Variants in FHIT observed in about 807,000 individuals in gnomAD.
The protein encoded by FHIT is fragile histidine triad diadenosine triphosphatase.
A neutral mutation model predicts 17.9 loss-of-function variants in FHIT; 19 were observed. The observed-to-expected ratio is 1.06, with a 90% confidence interval of 0.74 to 1.56. The LOEUF (loss-of-function observed/expected upper bound fraction) is 1.56. FHIT is among the 40% of genes most tolerant of loss of function. The pLI is 0.00. For synonymous variants in FHIT, 81 were observed against 69.7 expected (o/e 1.16, Z -0.81); for missense variants, 248 against 189.2 (o/e 1.31, Z -1.82).
chr3:60,773,316 G>A (rs1553723638), intron 4 of FHIT, among the ~76,000 whole-genome samples: 1 of 152,174 alleles, frequency 6.6e-6, no homozygotes, highest in African/African-American at 2.4e-5. Context: ...ATTTATTAGT[G>A]TACCCTGTAG....
rs148950731 is a variant in FHIT at position 60,256,612 on chromosome 3, G to T, written c.104-242460C>A. Among the ~76,000 whole-genome samples the T allele has an allele frequency of 8.5e-5, 13 of 152,284 alleles. No individual in the cohort carries two copies. In the East Asian group the frequency reaches 2.5e-3, roughly 29 times the overall value. ...AGGCAGAAGCCAAATCCAAATACCAGTCAAGCACTAGCCACCAGGCTCTCC... is the reference window on the plus strand; with the variant it reads ...AGGCAGAAGCCAAATCCAAATACCATTCAAGCACTAGCCACCAGGCTCTCC... On this transcript the variant is annotated intron_variant, in intron 5 of 9. Coordinates refer to ENST00000492590, the MANE Select transcript of FHIT (RefSeq NM_002012.4).
At chr3:61,236,552 G>C (rs1357534530) in intron 1 of FHIT, among the ~76,000 whole-genome samples, 3 of 152,128 alleles carry the variant, frequency 2.0e-5, no homozygotes, top group African/African-American at 7.2e-5. Context: ...CTCTACCCAG[G>C]TCACAGAATG....
At chr3:59,975,947 T>C (rs1708391153) in intron 7 of FHIT, among the ~76,000 whole-genome samples, 1 of 152,090 alleles carries the variant, frequency 6.6e-6, no homozygotes, top group Non-Finnish European at 1.5e-5. Context: ...TCCTCCCCTG[T>C]ACTAGAATGC....
At chr3:61,031,690 A>T (rs957109654) in intron 3 of FHIT, among the ~76,000 whole-genome samples, 2 of 152,200 alleles carry the variant, frequency 1.3e-5, no homozygotes, top group Non-Finnish European at 2.9e-5. Context: ...TAATCCAGCT[A>T]CTGTTCTATG....
At chr3:61,193,534 A>G (rs1576186629) in intron 2 of FHIT, among the ~76,000 whole-genome samples, 1 of 152,154 alleles carries the variant, frequency 6.6e-6, no homozygotes, top group African/African-American at 2.4e-5. Context: ...GACCTGCAGC[A>G]TTTTTGCATC....
intron 8 of FHIT, among the ~76,000 whole-genome samples, chr3:59,853,691 CAT>C (rs765521529): frequency 1.3e-5 from 2 of 152,008 alleles, no homozygotes; most frequent in Non-Finnish European, 1.5e-5. Flanking sequence ...TGTGGGTGTG[CAT>C]GTGTGTGTGT....
At chr3:60,248,478 G>T (rs1340845613) in intron 5 of FHIT, among the ~76,000 whole-genome samples, 1 of 152,086 alleles carries the variant, frequency 6.6e-6, no homozygotes, top group Non-Finnish European at 1.5e-5. Flanking sequence ...GCTTTATTCA[G>T]AAAGAGAACA....
intron 4 of FHIT, among the ~76,000 whole-genome samples, chr3:60,796,581 G>A (rs1052235827): frequency 5.9e-5 from 9 of 152,026 alleles, no homozygotes; most frequent in Non-Finnish European, 7.4e-5. Flanking sequence ...AAAGAGGGTT[G>A]TTGTTTGTTT....
intron 2 of FHIT, among the ~76,000 whole-genome samples, chr3:61,121,645 T>C (rs1456893185): frequency 1.3e-5 from 2 of 152,088 alleles, no homozygotes; most frequent in African/African-American, 2.4e-5. Context: ...ACATACCAAA[T>C]TGTAAAGACC....
At chr3:60,414,518 G>A (rs900390363) in intron 5 of FHIT, among the ~76,000 whole-genome samples, 3 of 152,162 alleles carry the variant, frequency 2.0e-5, no homozygotes, top group African/African-American at 7.2e-5. Context: ...TTTGCCAAAG[G>A]AAGGACCTCT....
chr3:59,909,708 T>C (rs1339699774), intron 8 of FHIT, among the ~76,000 whole-genome samples: 3 of 152,236 alleles, frequency 2.0e-5, no homozygotes, highest in Admixed American at 2.0e-4. Context: ...CATGAGGTTT[T>C]GATCAAAACT....
chr3:60,413,650 C>CTG (rs3060234), intron 5 of FHIT, among the ~76,000 whole-genome samples: 18 of 150,496 alleles, frequency 1.2e-4, no homozygotes, highest in Middle Eastern at 3.4e-3. Context: ...GCAGGGAACT[C>CTG]TGTGTGTGTG....
chr3:61,171,864 T>G lies in FHIT; in HGVS notation c.-164+28753A>C, dbSNP rs116463771. ...AGAAAATTCTTATGTACATGAAAGT[T>G]TGAAAACCATGGATCCAGAAGTGTG... On this transcript the variant is annotated intron_variant, in intron 2 of 9. Coordinates refer to ENST00000492590, the MANE Select transcript of FHIT (RefSeq NM_002012.4). Among the ~76,000 whole-genome samples the G allele has an allele frequency of 6.3e-3, 967 of 152,344 alleles. 8 individuals carry two copies. The highest frequency in any genetic ancestry group is 0.01 in the Non-Finnish European group (697 of 68,036).
intron 3 of FHIT, among the ~76,000 whole-genome samples, chr3:60,920,442 T>G (rs1317958122): frequency 1.3e-5 from 2 of 152,000 alleles, no homozygotes; most frequent in Non-Finnish European, 2.9e-5. Context: ...AGAAGGAAAA[T>G]AGTCTAGATC....
At chr3:61,173,166 G>A (rs768519853) in intron 2 of FHIT, among the ~76,000 whole-genome samples, 1 of 152,032 alleles carries the variant, frequency 6.6e-6, no homozygotes, top group Non-Finnish European at 1.5e-5. Context: ...TAAAATACAT[G>A]TGCAGCTAGA....
rs149281991 is a variant in FHIT at position 60,596,344 on chromosome 3, G to C, written c.-17-59365C>G. Among the ~76,000 whole-genome samples the C allele has an allele frequency of 3.9e-3, 590 of 152,168 alleles. 4 individuals carry two copies. Among genetic ancestry groups the C allele is most frequent in the Admixed American group, 5.9e-3 (90 of 15,254 alleles). ...GCTGCAGGCTCTCCTGAACCACCTT[G>C]AAGTTCTCCAACCTTGGCCTTGCCG... is the stretch of plus-strand genomic sequence containing the variant. On this transcript the variant is annotated intron_variant, in intron 4 of 9. Coordinates refer to ENST00000492590, the MANE Select transcript of FHIT (RefSeq NM_002012.4).
chr3:60,766,516 G>A (rs1203112127), intron 4 of FHIT, among the ~76,000 whole-genome samples: 1 of 152,176 alleles, frequency 6.6e-6, no homozygotes, highest in Non-Finnish European at 1.5e-5. Context: ...CTGTATAGAA[G>A]CTAGGAAAAT....
chr3:60,293,585 G>C (rs1708081008), intron 5 of FHIT, among the ~76,000 whole-genome samples: 1 of 152,052 alleles, frequency 6.6e-6, no homozygotes. Flanking sequence ...CAGTATTATA[G>C]GGCATAGGGA....
chr3:59,960,697 C>T (rs906518225), intron 7 of FHIT, among the ~76,000 whole-genome samples: 1 of 152,196 alleles, frequency 6.6e-6, no homozygotes, highest in Non-Finnish European at 1.5e-5. Flanking sequence ...TAATACACTT[C>T]TTCCTTTTGT....
Sources: gnomAD v4.1 joint callset for allele counts (sites outside exome capture counted in the v4.1 genomes callset) on GRCh38, gnomAD v4.1.1 for gene constraint, MANE v1.5 for transcripts, NCBI Gene and HGNC (gene_info 2026-07-23, HGNC 2026-07-21) for gene names.